PHACTR1: variants seen among roughly 807,000 people sequenced by gnomAD.
The protein encoded by PHACTR1 is RPEL repeat containing 1.
Under a neutral mutation model 69.2 loss-of-function variants are expected in PHACTR1, and 16 were observed. That is an observed-to-expected ratio of 0.23 (90% CI 0.16 to 0.35). The LOEUF (loss-of-function observed/expected upper bound fraction) is 0.35. PHACTR1 is among the 10% of genes least tolerant of loss of function. The pLI, the probability that PHACTR1 is intolerant of heterozygous loss-of-function variation, is 1.00. For missense variants in PHACTR1, 510 were observed against 734.7 expected (o/e 0.69, Z 3.54); for synonymous variants, 312 against 284.5 (o/e 1.10, Z -0.97).
chr6:12,857,957 GA>G (rs1429188921), intron 4 of PHACTR1, among the ~76,000 whole-genome samples: 1 of 152,152 alleles, frequency 6.6e-6, no homozygotes, highest in Non-Finnish European at 1.5e-5. Flanking sequence ...TCATTCAGCA[GA>G]CATGTATTGA....
At position 13,179,009 on chromosome 6, in the gene PHACTR1, G is replaced by T. The variant is rs144978578; in HGVS notation, c.497-3510G>T. 6.0e-3 allele frequency among the ~76,000 whole-genome samples: 912 copies of T among 152,288 alleles called. 13 individuals carry two copies. Among genetic ancestry groups the T allele is most frequent in the African/African-American group, 0.021 (870 of 41,544 alleles). On this transcript the variant is annotated intron_variant, in intron 6 of 14. Transcript: ENST00000332995. The surrounding 1 kb of genome is among the most constrained non-coding windows in gnomAD (Gnocchi z 4.2). ...CCAGCACTTTGGGAGGCCGAGGTGGGTGGATCACTTGAGTCAAGGAGTTCC... is the reference window on the plus strand; with the variant it reads ...CCAGCACTTTGGGAGGCCGAGGTGGTTGGATCACTTGAGTCAAGGAGTTCC...
chr6:12,909,542 C>T (rs997733657), intron 4 of PHACTR1, among the ~76,000 whole-genome samples: 4 of 152,152 alleles, frequency 2.6e-5, no homozygotes, highest in Admixed American at 2.0e-4. Context: ...GGCATCGAGC[C>T]GGATGCGGTG....
intron 4 of PHACTR1, among the ~76,000 whole-genome samples, chr6:12,793,916 T>G (rs1772650628): frequency 6.6e-6 from 1 of 152,082 alleles, no homozygotes; most frequent in Non-Finnish European, 1.5e-5. Context: ...AGAAAGAAAT[T>G]TAATCCAAAA....
chr6:13,180,914 A>C (rs987123201), intron 6 of PHACTR1, among the ~76,000 whole-genome samples: 3 of 152,116 alleles, frequency 2.0e-5, no homozygotes, highest in African/African-American at 4.8e-5. Flanking sequence ...CTTTCTTATT[A>C]ATTAGTAATC....
intron 5 of PHACTR1, among the ~76,000 whole-genome samples, chr6:13,093,641 A>G (rs1813656494): frequency 6.6e-6 from 1 of 152,236 alleles, no homozygotes; most frequent in Non-Finnish European, 1.5e-5. Context: ...TCCTTGCCTC[A>G]AGTGAATTCC....
At chr6:13,183,762 A>C (rs1427508531) in intron 7 of PHACTR1, among the ~76,000 whole-genome samples, 1 of 152,176 alleles carries the variant, frequency 6.6e-6, no homozygotes, top group Admixed American at 6.5e-5. Flanking sequence ...GTGCTTTTTT[A>C]AAAAGAATCC....
At chr6:12,857,121 T>C (rs1780459581) in intron 4 of PHACTR1, among the ~76,000 whole-genome samples, 1 of 152,210 alleles carries the variant, frequency 6.6e-6, no homozygotes, top group Non-Finnish European at 1.5e-5. Flanking sequence ...CCTCTGTGTA[T>C]GTAGTAAATC....
At chr6:13,281,487 GA>G in intron 12 of PHACTR1, 1 of 332,410 alleles carries the variant, frequency 3.0e-6, no homozygotes, top group South Asian at 2.2e-5. Flanking sequence ...CCAAGAGGCG[GA>G]GGTTGCAGTG....
At chr6:12,852,707 C>A (rs1156367087) in intron 4 of PHACTR1, among the ~76,000 whole-genome samples, 2 of 152,108 alleles carry the variant, frequency 1.3e-5, no homozygotes, top group African/African-American at 4.8e-5. Flanking sequence ...CAATGGATCA[C>A]AAAAGCATAC....
At chr6:13,108,647 A>T (rs186404343) in intron 5 of PHACTR1, among the ~76,000 whole-genome samples, 2 of 152,230 alleles carry the variant, frequency 1.3e-5, no homozygotes, top group Middle Eastern at 3.4e-3. Context: ...AGGTTATTTT[A>T]TCTGACATTA....
intron 5 of PHACTR1, among the ~76,000 whole-genome samples, chr6:13,092,519 C>G (rs1813456426): frequency 6.6e-6 from 1 of 152,160 alleles, no homozygotes; most frequent in Non-Finnish European, 1.5e-5. Context: ...GGACTGGGGA[C>G]AGCAGGTGGC....
intron 8 of PHACTR1, among the ~76,000 whole-genome samples, chr6:13,218,939 C>T (rs1164556763): frequency 6.7e-6 from 1 of 149,766 alleles, no homozygotes; most frequent in African/African-American, 2.5e-5. Flanking sequence ...GGAAAGGAGG[C>T]AGAAATGGTT....
intron 4 of PHACTR1, among the ~76,000 whole-genome samples, chr6:12,843,841 T>C (rs1382521342): frequency 6.6e-6 from 1 of 152,190 alleles, no homozygotes; most frequent in Non-Finnish European, 1.5e-5. Context: ...ACAGGTCAAG[T>C]CTGTATTAAT....
chr6:13,054,022 A>G (rs78253677), intron 5 of PHACTR1, among the ~76,000 whole-genome samples: 1 of 152,338 alleles, frequency 6.6e-6, no homozygotes, highest in African/African-American at 2.4e-5. Context: ...TGTAGTGGCA[A>G]AGATAACTGT....
At chr6:13,043,508 A>ATC (rs1456714529) in intron 4 of PHACTR1, among the ~76,000 whole-genome samples, 1 of 152,210 alleles carries the variant, frequency 6.6e-6, no homozygotes, top group African/African-American at 2.4e-5. Flanking sequence ...TTAACAAGCT[A>ATC]TGGCCATGCA....
chr6:13,042,230 G>A (rs2127714483), intron 4 of PHACTR1, among the ~76,000 whole-genome samples: 1 of 152,304 alleles, frequency 6.6e-6, no homozygotes, highest in Non-Finnish European at 1.5e-5. Context: ...GATCTAATGA[G>A]ATAATAGATC....
intron 10 of PHACTR1, among the ~76,000 whole-genome samples, chr6:13,256,240 C>T (rs1418558269): frequency 6.6e-6 from 1 of 152,234 alleles, no homozygotes; most frequent in Non-Finnish European, 1.5e-5. Flanking sequence ...GGAGCAGTGT[C>T]CCAAGGCTGC....
At chr6:13,107,582 T>C (rs1409831217) in intron 5 of PHACTR1, among the ~76,000 whole-genome samples, 2 of 152,218 alleles carry the variant, frequency 1.3e-5, no homozygotes, top group Non-Finnish European at 2.9e-5. Context: ...TTTCTTCTTA[T>C]GTTGCTTTTG....
intron 3 of PHACTR1, among the ~76,000 whole-genome samples, chr6:12,738,860 C>T (rs902692069): frequency 6.6e-6 from 1 of 152,138 alleles, no homozygotes; most frequent in Non-Finnish European, 1.5e-5. Flanking sequence ...AGTGAAACTC[C>T]ATCTCAAAAA....
Sources: gnomAD v4.1 joint callset for allele counts (sites outside exome capture counted in the v4.1 genomes callset) on GRCh38, gnomAD v4.1.1 for gene constraint, Gnocchi (gnomAD v3.1) non-coding constraint, MANE v1.5 for transcripts, NCBI Gene and HGNC (gene_info 2026-07-23, HGNC 2026-07-21) for gene names.